PLEKHM2: variants seen among roughly 807,000 people sequenced by gnomAD.
PLEKHM2 encodes pleckstrin homology domain-containing family M member 2.
In PLEKHM2, 77 loss-of-function variants were observed where a neutral mutation model predicts 116.3. The ratio of observed to expected loss-of-function variants is 0.66; its 90% CI spans 0.55 to 0.80. The LOEUF is 0.80. Ranked by LOEUF, PLEKHM2 falls within the 30% of genes least tolerant of loss-of-function variation. The probability of loss-of-function intolerance (pLI) is 0.00; values close to 1 mark genes in which losing one functional copy is unlikely to be tolerated. For missense variants in PLEKHM2, 1,183 were observed against 1,354.9 expected (o/e 0.87, Z 1.99); for synonymous variants, 562 against 571.0 (o/e 0.98, Z 0.22).
Position 15,719,934 on chromosome 1 carries a change from G to C in PLEKHM2, c.652+14G>C, listed in dbSNP as rs1193656495. The C allele has an allele frequency of 1.9e-6, 3 of 1,603,980 alleles. No homozygotes were observed. Among genetic ancestry groups the C allele is most frequent in the Non-Finnish European group, 2.6e-6 (3 of 1,173,610 alleles). ...CATCTAGTGAGGGTGAGTGGCCCCA[G>C]GGCAGAAAAGCTAAGCCCCTGTTGT... On this transcript the variant is annotated intron_variant, in intron 6 of 19. Transcript: ENST00000375799. The surrounding 1 kb of genome is among the most constrained non-coding windows in gnomAD (Gnocchi z 4.1).
Position 15,721,255 on chromosome 1 carries a change from T to TCCCC in PLEKHM2, c.653-73_653-70dup. On this transcript the variant is annotated intron_variant, in intron 6 of 19. Transcript: ENST00000375799. This position sits in a 1 kb window ranked among gnomAD's most constrained non-coding sequence, Gnocchi z 5.1. ...TTCTCCCCATGTCTCCCACCCCATTTCCCCTCCCCTCCCTCCAGTCATCCT... is the reference window on the plus strand; with the variant it reads ...TTCTCCCCATGTCTCCCACCCCATTTCCCCCCCCTCCCCTCCCTCCAGTCATCCT... 1 of 831,016 alleles carries TCCCC rather than the reference T, an allele frequency of 1.2e-6. No homozygotes were observed. Among genetic ancestry groups the TCCCC allele is most frequent in the Non-Finnish European group, 2.0e-6 (1 of 499,464 alleles). The allele number at this position is 831,016 out of a possible 1,614,324, so 51.5% of individuals were successfully genotyped here.
rs2148369233 is a variant in PLEKHM2, at chr1:15,725,555, G to A, written c.941+10G>A. 1 of 1,547,736 alleles carries A rather than the reference G, an allele frequency of 6.5e-7. No individual in the cohort carries two copies. ...AGCTCGAGGTCATCAGGTCAGCAGGGAGGGGCCCAGAAAGGAGCTGAGGTC... is the reference window on the plus strand; with the variant it reads ...AGCTCGAGGTCATCAGGTCAGCAGGAAGGGGCCCAGAAAGGAGCTGAGGTC... On this transcript the variant is annotated intron_variant, in intron 8 of 19. Transcript: ENST00000375799.
In PLEKHM2 at chr1:15,719,220, T is replaced by A. The variant is rs2067953123; in HGVS notation, c.466-514T>A. ...ATCCCAGCACTTTGGGAGGCTGAGG[T>A]GGGTGGATCACCTGAGGTCAGGAGT... is the stretch of plus-strand genomic sequence containing the variant. On this transcript the variant is annotated intron_variant, in intron 5 of 19. Transcript: ENST00000375799. This position sits in a 1 kb window ranked among gnomAD's most constrained non-coding sequence, Gnocchi z 4.1. Among the ~76,000 whole-genome samples, 1 of 151,976 alleles carries A rather than the reference T, an allele frequency of 6.6e-6. No homozygotes were observed. The highest frequency in any genetic ancestry group is 1.5e-5 in the Non-Finnish European group (1 of 67,960).
At chr1:15,725,221 G>A (rs1195458963) in intron 7 of PLEKHM2, 96 bp from the exon 8 acceptor site, 3 of 846,472 alleles carry the variant, frequency 3.5e-6, no homozygotes, top group Non-Finnish European at 5.7e-6. Context: ...GGAGGAACTG[G>A]CCAGCCTGCC....
intron 19 of PLEKHM2, among the ~76,000 whole-genome samples, chr1:15,733,039 G>A (rs538220783): frequency 6.6e-6 from 1 of 152,370 alleles, no homozygotes; most frequent in South Asian, 2.1e-4. Context: ...TGGGCCCTGG[G>A]AGGTGGGTGT....
At chr1:15,710,299 C>T (rs1297412493) in intron 1 of PLEKHM2, among the ~76,000 whole-genome samples, 4 of 150,816 alleles carry the variant, frequency 2.7e-5, no homozygotes, top group Non-Finnish European at 4.4e-5. Flanking sequence ...AAATAATGTA[C>T]TAGAACAGCC....
Position 15,728,819 on chromosome 1 carries a change from G to T in PLEKHM2, c.1986+86G>T. 2.4e-6 allele frequency: 3 copies of T among 1,234,232 alleles called. No homozygotes were observed. The Admixed American group carries it at 6.0e-5, about 25-fold the overall frequency. 76.5% of individuals were successfully genotyped at this position (1,234,232 alleles called of 1,614,324 possible). On this transcript the variant is annotated intron_variant, in intron 12 of 19. Coordinates refer to ENST00000375799, the MANE Select transcript of PLEKHM2 (RefSeq NM_015164.4). The surrounding 1 kb of genome is among the most constrained non-coding windows in gnomAD (Gnocchi z 5.9). ...CCCATAGAACTGCAGGGCGAGGCACGGCCCCTTACTCCCCTCCCGGGGTTG... is the reference window on the plus strand; with the variant it reads ...CCCATAGAACTGCAGGGCGAGGCACTGCCCCTTACTCCCCTCCCGGGGTTG...
At chr1:15,724,025 C>T (rs916113185) in intron 7 of PLEKHM2, among the ~76,000 whole-genome samples, 3 of 152,182 alleles carry the variant, frequency 2.0e-5, no homozygotes, top group East Asian at 1.9e-4. Flanking sequence ...TGCCACTGGC[C>T]GTATGGGCTG....
At chr1:15,682,259 G>A (rs1384514437), upstream of PLEKHM2, among the ~76,000 whole-genome samples, 2 of 151,578 alleles carry the variant, frequency 1.3e-5, no homozygotes, top group Non-Finnish European at 2.9e-5. Flanking sequence ...GACCAGCCTG[G>A]CCAACATGGC....
chr1:15,730,256 C>T (rs1482458206), intron 14 of PLEKHM2, among the ~76,000 whole-genome samples: 1 of 152,226 alleles, frequency 6.6e-6, no homozygotes, highest in East Asian at 1.9e-4. Flanking sequence ...GCCTCGCCAA[C>T]ATGGCAAAAC....
intron 8 of PLEKHM2, among the ~76,000 whole-genome samples, chr1:15,726,555 C>T (rs1043792009): frequency 6.6e-6 from 1 of 152,150 alleles, no homozygotes; most frequent in Non-Finnish European, 1.5e-5. Flanking sequence ...GGACCCGGAG[C>T]GTGAGCCCAG....
intron 1 of PLEKHM2, among the ~76,000 whole-genome samples, chr1:15,699,643 C>T (rs555546423): frequency 2.8e-4 from 43 of 152,118 alleles, no homozygotes; most frequent in Non-Finnish European, 5.6e-4. Context: ...AATAGTGCCA[C>T]AATAAACATA....
At chr1:15,733,745 A>G (rs1243101597) in intron 19 of PLEKHM2, 52 bp from the exon 20 acceptor site, 10 of 1,579,496 alleles carry the variant, frequency 6.3e-6, no homozygotes, top group Non-Finnish European at 8.6e-6. Context: ...AGCCCTGAAG[A>G]CTCCTGTGGC....
intron 1 of PLEKHM2, among the ~76,000 whole-genome samples, chr1:15,703,394 G>A (rs1641158202): frequency 6.6e-6 from 1 of 152,176 alleles, no homozygotes; most frequent in Non-Finnish European, 1.5e-5. Flanking sequence ...ATAGGGAAGT[G>A]TGACCCCTGC....
At chr1:15,695,969 A>AT in intron 1 of PLEKHM2, among the ~76,000 whole-genome samples, 1 of 111,234 alleles carries the variant, frequency 9.0e-6, no homozygotes, top group African/African-American at 3.9e-5. Flanking sequence ...CGTCCAACTA[A>AT]TTTTTTCTAT....
At chr1:15,730,043 ACCTG>A in intron 14 of PLEKHM2, 114 bp downstream of exon 14, 1 of 208,012 alleles carries the variant, frequency 4.8e-6, no homozygotes, top group Non-Finnish European at 8.5e-6. Flanking sequence ...ACAATCGCCT[ACCTG>A]GGCGGGGCGG....
rs781127132 is a variant in PLEKHM2, at chr1:15,729,224, G to A, written c.2075+34G>A. The A allele has an allele frequency of 1.6e-5, 26 of 1,578,420 alleles. No homozygotes were observed. The highest frequency in any genetic ancestry group is 2.2e-5 in the Non-Finnish European group (25 of 1,157,132). ...CAACCCCGCCCCTCTGGAAGGATTG[G>A]AGAGTTCGCAGCCGCCCATAGGTGT... On this transcript the variant is annotated intron_variant, in intron 13 of 19. Coordinates refer to ENST00000375799, the MANE Select transcript of PLEKHM2 (RefSeq NM_015164.4). The surrounding 1 kb of genome is among the most constrained non-coding windows in gnomAD (Gnocchi z 4.7).
At chr1:15,716,897 C>A in intron 3 of PLEKHM2, 81 bp downstream of exon 3, 1 of 1,524,702 alleles carries the variant, frequency 6.6e-7, no homozygotes. Flanking sequence ...CCAGGTTTAC[C>A]CTCAGGGTCA....
At chr1:15,717,817 T>G (rs1463390097) in intron 3 of PLEKHM2, 76 bp from the exon 4 acceptor site, 2 of 936,466 alleles carry the variant, frequency 2.1e-6, no homozygotes, top group African/African-American at 3.3e-5. Flanking sequence ...TTTCTTTCCT[T>G]TCTGCGCTTG....
Sources: gnomAD v4.1 joint callset for allele counts (sites outside exome capture counted in the v4.1 genomes callset) on GRCh38, gnomAD v4.1.1 for gene constraint, Gnocchi (gnomAD v3.1) non-coding constraint, MANE v1.5 for transcripts, NCBI Gene and HGNC (gene_info 2026-07-23, HGNC 2026-07-21) for gene names.